The following AADACL2 variants were observed in gnomAD, a reference collection of about 807,000 sequenced individuals.
AADACL2 encodes the protein arylacetamide deacetylase like 2.
Under a neutral mutation model 22.3 loss-of-function variants are expected in AADACL2, and 23 were observed. That is an observed-to-expected ratio of 1.03 (90% confidence interval 0.74 to 1.46). AADACL2 has a LOEUF of 1.46. Among genes scored for constraint, AADACL2 ranks in the 40% most tolerant of loss-of-function variants. The probability of loss-of-function intolerance (pLI) is 0.00; values close to 1 mark genes in which losing one functional copy is unlikely to be tolerated. For synonymous variants in AADACL2, 177 were observed against 166.2 expected, an observed-to-expected ratio of 1.07 and a Z score of -0.50; for missense variants, 472 against 482.9, an observed-to-expected ratio of 0.98 and a Z score of 0.21.
chr3:151,740,322 C>T (rs939941177), intron 1 of AADACL2, among the ~76,000 whole-genome samples: 6 of 152,182 alleles, frequency 3.9e-5, no homozygotes, highest in Admixed American at 1.3e-4. Flanking sequence ...GTGGGCTGCA[C>T]CCACTGCCTA....
chr3:151,740,955 GATAC>G (rs1713262473), intron 2 of AADACL2, 87 bp downstream of exon 2: 1 of 1,026,672 alleles, frequency 9.7e-7, no homozygotes, highest in Admixed American at 2.3e-5. Context: ...CACTTATACT[GATAC>G]ATACATCTAT....
chr3:151,755,998 A>G (rs1223415781), intron 4 of AADACL2, among the ~76,000 whole-genome samples: 3 of 152,064 alleles, frequency 2.0e-5, no homozygotes, highest in Non-Finnish European at 4.4e-5. Flanking sequence ...CACTGTAGAG[A>G]TGGTAGGATA....
At chr3:151,743,944 GATTCAGGTCC>G in intron 2 of AADACL2, 139 bp from the exon 3 acceptor site, 3 of 692,256 alleles carry the variant, frequency 4.3e-6, no homozygotes, top group Non-Finnish European at 7.2e-6. Flanking sequence ...GTGCCACGTG[GATTCAGGTCC>G]ATCTGCTTGG....
chr3:151,757,886 A>T lies in AADACL2; in HGVS notation c.*292A>T, dbSNP rs1443473660. The T allele has an allele frequency of 4.7e-6, 1 of 211,738 alleles. No homozygotes were observed. Among genetic ancestry groups the T allele is most frequent in the African/African-American group, 2.3e-5 (1 of 43,120 alleles). The allele number at this position is 211,738 out of a possible 1,614,324, so 13.1% of individuals were successfully genotyped here. A position where few individuals can be genotyped will look rare whatever the true frequency, so the allele number is the denominator to read the frequency against. ...TTGAGAAATAAGAGTGGTTATTGGC[A>T]AATTAAGCAAGATACTTTCCAGATA... On this transcript the variant is annotated 3_prime_UTR_variant, in exon 5 of 5. Coordinates refer to ENST00000356517, the MANE Select transcript of AADACL2 (RefSeq NM_207365.4).
rs534530940 is a variant in AADACL2 at position 151,752,246 on chromosome 3, C to T, written c.604-4746C>T. 2.4e-4 allele frequency among the ~76,000 whole-genome samples: 36 copies of T among 152,146 alleles called. No individual in the cohort carries two copies. The South Asian group carries it at 6.4e-3, about 27-fold the overall frequency. ...ATTGATAATATGTTATAGATTATGG[C>T]TTTAAAAATTCGGTATCAATAATCA... On this transcript the variant is annotated intron_variant, in intron 4 of 4. Coordinates refer to ENST00000356517, the MANE Select transcript of AADACL2 (RefSeq NM_207365.4).
chr3:151,743,794 T>C lies in AADACL2; in HGVS notation c.362-299T>C, dbSNP rs145017749. Among the ~76,000 whole-genome samples, 21 of 152,252 alleles carry C rather than the reference T, an allele frequency of 1.4e-4. No individual in the cohort carries two copies. In the East Asian group the frequency reaches 3.7e-3, roughly 27 times the overall value. On this transcript the variant is annotated intron_variant, in intron 2 of 4. Transcript: ENST00000356517. ...ATACAAAGGGTCCTGGGAAGGGTCA[T>C]TGTGTACAGACAGCAGATGTCAAGA...
intron 4 of AADACL2, among the ~76,000 whole-genome samples, chr3:151,753,758 T>A (rs563166217): frequency 1.3e-5 from 2 of 152,172 alleles, no homozygotes; most frequent in African/African-American, 4.8e-5. Flanking sequence ...GATGACAGGC[T>A]ATGGATAAGT....
intron 1 of AADACL2, among the ~76,000 whole-genome samples, chr3:151,735,541 T>G (rs1285756753): frequency 6.6e-6 from 1 of 152,198 alleles, no homozygotes; most frequent in Non-Finnish European, 1.5e-5. Flanking sequence ...GTAGATCACC[T>G]GAGGCTAGGA....
chr3:151,752,463 C>T (rs1469044026), intron 4 of AADACL2, among the ~76,000 whole-genome samples: 1 of 152,174 alleles, frequency 6.6e-6, no homozygotes, highest in Non-Finnish European at 1.5e-5. Context: ...TTCCTGGCAA[C>T]ATCACATGAT....
At chr3:151,743,257 A>C (rs1295194548) in intron 2 of AADACL2, among the ~76,000 whole-genome samples, 1 of 152,166 alleles carries the variant, frequency 6.6e-6, no homozygotes, top group Non-Finnish European at 1.5e-5. Context: ...CAGTTTTGTT[A>C]ATGTGCAAGA....
rs963502471 is a variant in AADACL2, at chr3:151,758,551, A to G, written c.*957A>G. The stretch of plus-strand genomic sequence containing the variant: ...AAGGAGGCAGCAGATCAATATTATA[A>G]TTCAAGAATCTGATCTAAATATGCA... On this transcript the variant is annotated 3_prime_UTR_variant, in exon 5 of 5. Coordinates refer to ENST00000356517, the MANE Select transcript of AADACL2 (RefSeq NM_207365.4). 8 of 152,148 alleles carry G rather than the reference A, an allele frequency of 5.3e-5. No homozygotes were observed. Among genetic ancestry groups the G allele is most frequent in the Non-Finnish European group, 8.8e-5 (6 of 67,996 alleles). 9.4% of individuals were successfully genotyped at this position (152,148 alleles called of 1,614,324 possible). A position where few individuals can be genotyped will look rare whatever the true frequency, so the allele number is the denominator to read the frequency against.
At chr3:151,739,171 G>C (rs4280613) in intron 1 of AADACL2, among the ~76,000 whole-genome samples, 12,740 of 152,204 alleles carry the variant, frequency 0.084, 839 homozygotes, top group African/African-American at 0.18. Flanking sequence ...CCTTTGGATG[G>C]AGTTTTTGTG....
intron 4 of AADACL2, among the ~76,000 whole-genome samples, chr3:151,752,826 A>G (rs533180206): frequency 2.6e-4 from 39 of 152,234 alleles, no homozygotes; most frequent in African/African-American, 9.4e-4. Flanking sequence ...AGCTCTACTT[A>G]TTTAGGTTTA....
chr3:151,756,878 C>T lies in AADACL2; in HGVS notation c.604-114C>T, dbSNP rs11916475. 8,995 of 797,854 alleles carry T rather than the reference C, an allele frequency of 0.011. 587 individuals are homozygous for T. In the African/African-American group the frequency reaches 0.14, roughly 13 times the overall value. The allele number at this position is 797,854 out of a possible 1,614,324, so 49.4% of individuals were successfully genotyped here. A position where few individuals can be genotyped will look rare whatever the true frequency, so the allele number is the denominator to read the frequency against. On this transcript the variant is annotated intron_variant, in intron 4 of 4. Coordinates refer to ENST00000356517, the MANE Select transcript of AADACL2 (RefSeq NM_207365.4). ...AAATATTATAAAAATAATTATGATA[C>T]ATCACATCAATTTATGTAGATTTGT...
In AADACL2 at chr3:151,740,665, T is replaced by A. The variant is rs543094138; in HGVS notation, c.158T>A (p.Met53Lys). The A allele has an allele frequency of 2.5e-6, 4 of 1,609,532 alleles. No individual in the cohort carries two copies. The highest frequency in any genetic ancestry group is 3.4e-6 in the Non-Finnish European group (4 of 1,177,454). The change falls in exon 2 of 5, where the codon ATG (methionine) becomes AAG (lysine). Residue 53 changes from methionine to lysine, a missense_variant. By Grantham distance (95) the Met-to-Lys change is moderately conservative. Around this residue, in one of 3 missense-constraint regions of AADACL2, gnomAD observed 356 missense variants for 365.5 expected, o/e 0.97. Coordinates refer to ENST00000356517, the MANE Select transcript of AADACL2 (RefSeq NM_207365.4). ...CTFTAMCFEN[M>K]RIMRYEEFIS... ...TTACAGGCTATGTGTTTTGAAAATA[T>A]GCGTATTATGAGATATGAAGAGTTT... is the stretch of plus-strand genomic sequence containing the variant.
At chr3:151,744,222 T>C (rs1713370010) in intron 3 of AADACL2, 60 bp downstream of exon 3, 1 of 1,503,484 alleles carries the variant, frequency 6.7e-7, no homozygotes, top group Admixed American at 1.7e-5. Flanking sequence ...GAGGTTTGAT[T>C]TCCACATCAA....
At chr3:151,747,764 C>T (rs930966318) in intron 4 of AADACL2, among the ~76,000 whole-genome samples, 14 of 151,996 alleles carry the variant, frequency 9.2e-5, no homozygotes, top group Non-Finnish European at 1.8e-4. Context: ...TATCTCTTCA[C>T]ATTACTGACT....
intron 4 of AADACL2, among the ~76,000 whole-genome samples, chr3:151,750,051 A>C (rs1239016394): frequency 1.3e-5 from 2 of 152,108 alleles, no homozygotes; most frequent in African/African-American, 4.8e-5. Flanking sequence ...TAATGAAAAG[A>C]TATTGCATTT....
intron 3 of AADACL2, among the ~76,000 whole-genome samples, 157 bp downstream of exon 3, chr3:151,744,319 G>T (rs1713373426): frequency 6.6e-6 from 1 of 152,054 alleles, no homozygotes. Context: ...AAGAGGTTCA[G>T]TGTCCCATTA....
Sources: allele counts gnomAD v4.1 joint callset (sites outside exome capture counted in the v4.1 genomes callset), GRCh38; gene constraint gnomAD v4.1.1; regional missense constraint gnomAD v4.1.1; transcripts MANE v1.5; gene names NCBI Gene and HGNC (gene_info 2026-07-23, HGNC 2026-07-21).